KRT71: variants seen among roughly 807,000 people sequenced by gnomAD.
KRT71 encodes the protein keratin 71.
KRT71 carries 42 observed loss-of-function variants against 46.2 expected under a neutral mutation model. The ratio of observed to expected loss-of-function variants is 0.91; its 90% CI spans 0.71 to 1.18. The LOEUF (loss-of-function observed/expected upper bound fraction) is 1.18, where lower values mean the gene tolerates loss of function less well. KRT71 is among the 50% of genes most tolerant of loss of function. The pLI is 0.00. For missense variants in KRT71, 708 were observed against 677.9 expected (o/e 1.04, Z -0.49); for synonymous variants, 292 against 277.8 (o/e 1.05, Z -0.51).
Position 52,553,009 on chromosome 12 carries a change from C to G in KRT71, c.69G>C (p.Val23=), listed in dbSNP as rs776611265. The G allele has an allele frequency of 9.9e-6, 16 of 1,612,470 alleles. No individual in the cohort carries two copies. The highest frequency in any genetic ancestry group is 1.4e-5 in the Non-Finnish European group (16 of 1,179,112). Reference sequence around the variant, plus strand: ...AGGAGGATGAGCTGCCCCCTGAGAGCACAGCTGAGCAGCCACTGAAGCCCC... The same window carrying G: ...AGGAGGATGAGCTGCCCCCTGAGAGGACAGCTGAGCAGCCACTGAAGCCCC... ...AKGGFSGCSA[V]LSGGSSSSFR... The change falls in exon 1 of 9, where the codon GTG becomes GTC. Residue 23 remains valine (V), a synonymous_variant. Coordinates refer to ENST00000267119, the MANE Select transcript of KRT71 (RefSeq NM_033448.3).
At chr12:52,548,442 C>T in intron 4 of KRT71, 126 bp from the exon 5 acceptor site, 1 of 1,154,240 alleles carries the variant, frequency 8.7e-7, no homozygotes, top group Non-Finnish European at 1.2e-6. Flanking sequence ...TGCTGCCATC[C>T]AGGGCTGTGT....
intron 1 of KRT71, 142 bp from the exon 2 acceptor site, chr12:52,550,385 G>A: frequency 1.9e-6 from 2 of 1,077,482 alleles, no homozygotes; most frequent in Non-Finnish European, 2.6e-6. Flanking sequence ...CCTCTGCTAT[G>A]GAGAGAAAAC....
chr12:52,552,686 C>A lies in KRT71; in HGVS notation c.392G>T (p.Arg131Leu). Residue 131 changes from arginine to leucine, a missense_variant, in exon 1 of 9, where the codon CGA (arginine) becomes CTA (leucine). Coordinates refer to ENST00000267119, the MANE Select transcript of KRT71 (RefSeq NM_033448.3). ...GTTGTTCAGAGCCTTGATCTGCTCT[C>A]GCTCCTGGGCACGCACTTTCTGGAT... is the stretch of plus-strand genomic sequence containing the variant. ...PEIQKVRAQE[R>L]EQIKALNNKF... 4 of 1,613,776 alleles carry A rather than the reference C, an allele frequency of 2.5e-6. No homozygotes were observed. Among genetic ancestry groups the A allele is most frequent in the Non-Finnish European group, 3.4e-6 (4 of 1,179,802 alleles).
intron 1 of KRT71, among the ~76,000 whole-genome samples, chr12:52,551,612 T>C (rs898733117): frequency 1.3e-5 from 2 of 152,174 alleles, no homozygotes; most frequent in African/African-American, 4.8e-5. Flanking sequence ...GTCTCACCCA[T>C]AGACTTTGTC....
At chr12:52,551,544 C>T (rs935252536) in intron 1 of KRT71, among the ~76,000 whole-genome samples, 3 of 152,314 alleles carry the variant, frequency 2.0e-5, no homozygotes, top group African/African-American at 4.8e-5. Context: ...AGCAGGGACT[C>T]CTCCAGGCAG....
At chr12:52,550,409 A>C (rs1280846988) in intron 1 of KRT71, among the ~76,000 whole-genome samples, 166 bp from the exon 2 acceptor site, 1 of 152,256 alleles carries the variant, frequency 6.6e-6, no homozygotes, top group African/African-American at 2.4e-5. Context: ...GACACAGAGC[A>C]ACTTCGGCTG....
At chr12:52,547,186 T>A (rs1939071740) in intron 6 of KRT71, among the ~76,000 whole-genome samples, 1 of 152,116 alleles carries the variant, frequency 6.6e-6, no homozygotes, top group African/African-American at 2.4e-5. Flanking sequence ...AACCCCCTTA[T>A]CCTCTCTGAG....
Position 52,549,334 on chromosome 12 carries a change from T to G in KRT71, c.676A>C (p.Lys226Gln), listed in dbSNP as rs1939119975. The G allele has an allele frequency of 6.2e-7, 1 of 1,613,782 alleles. No individual in the cohort carries two copies. The highest frequency in any genetic ancestry group is 1.3e-5 in the African/African-American group (1 of 74,928). Reference sequence around the variant, plus strand: ...AACTCGTTCTCTGCTGCTGTCCGCTTGTTGATTTCCTCCTCATACCTGTGG... The same window carrying G: ...AACTCGTTCTCTGCTGCTGTCCGCTGGTTGATTTCCTCCTCATACCTGTGG... ...YKKRYEEEIN[K>Q]RTAAENEFVL... The change falls in exon 3 of 9, where the codon AAG becomes CAG. Residue 226 changes from lysine to glutamine, a missense_variant. Coordinates refer to ENST00000267119, the MANE Select transcript of KRT71 (RefSeq NM_033448.3).
At position 52,544,587 on chromosome 12, in the gene KRT71, T is replaced by C; in HGVS notation, c.1517A>G (p.Asp506Gly). Reference sequence around the variant, plus strand: ...CAGGCTGGAACCCTTCCCTAGGGTGTCTTTGTAATCGTTGGCACTGCCCCG... The same window carrying C: ...CAGGCTGGAACCCTTCCCTAGGGTGCCTTTGTAATCGTTGGCACTGCCCCG... ...RSRGSANDYK[D>G]TLGKGSSLSA... Residue 506 changes from aspartate to glycine, a missense_variant, in exon 9 of 9, where the codon GAC (aspartate) becomes GGC (glycine). Coordinates refer to ENST00000267119, the MANE Select transcript of KRT71 (RefSeq NM_033448.3). The C allele has an allele frequency of 6.2e-7, 1 of 1,614,078 alleles. No homozygotes were observed. The highest frequency in any genetic ancestry group is 8.5e-7 in the Non-Finnish European group (1 of 1,179,994).
intron 1 of KRT71, 116 bp from the exon 2 acceptor site, chr12:52,550,359 G>A: frequency 7.8e-7 from 1 of 1,279,974 alleles, no homozygotes; most frequent in African/African-American, 1.5e-5. Context: ...GCTGAAAGAG[G>A]TGGGCAAATC....
Position 52,548,783 on chromosome 12 carries a change from G to A in KRT71, c.731C>T (p.Ala244Val). Residue 244 changes from alanine to valine, a missense_variant, in exon 4 of 9, where the codon GCT (alanine) becomes GTT (valine). Ala to Val is a moderately conservative substitution (Grantham distance 64). Coordinates refer to ENST00000267119, the MANE Select transcript of KRT71 (RefSeq NM_033448.3). The part of the protein sequence containing the change: ...FVLLKKDVDA[A>V]YANKVELQAK... ...CTGCAGTTCCACCTTATTGGCGTAA[G>A]CAGCATCCACATCCTGAAAGATGCC... 6.2e-7 allele frequency: 1 copy of A among 1,614,168 alleles called. No individual in the cohort carries two copies. Among genetic ancestry groups the A allele is most frequent in the Non-Finnish European group, 8.5e-7 (1 of 1,180,016 alleles).
chr12:52,545,348 A>G (rs57480354), intron 8 of KRT71, among the ~76,000 whole-genome samples: 1,580 of 152,278 alleles, frequency 0.01, 28 homozygotes, highest in African/African-American at 0.036. Flanking sequence ...GCCATCCCCT[A>G]GGAACAGAAA....
chr12:52,548,383 A>G (rs1939096758), intron 4 of KRT71, 67 bp from the exon 5 acceptor site: 1 of 1,518,314 alleles, frequency 6.6e-7, no homozygotes, highest in Non-Finnish European at 9.0e-7. Flanking sequence ...ACCCCCAAAC[A>G]AGATGAGCAA....
intron 1 of KRT71, 48 bp downstream of exon 1, chr12:52,552,589 G>C: frequency 6.5e-7 from 1 of 1,537,128 alleles, no homozygotes; most frequent in Non-Finnish European, 8.8e-7. Context: ...GTTCCAAGAA[G>C]AGAAGAGGAG....
Position 52,552,642 on chromosome 12 carries a change from C to T in KRT71, c.436G>A (p.Asp146Asn), listed in dbSNP as rs146701542. ...ALNNKFASFI[D>N]KVRFLEQQNQ... ...CCAGGCCCTAGAAGACCCACCTTGT[C>T]GATGAAGGAGGCGAACTTGTTGTTC... is the stretch of plus-strand genomic sequence containing the variant. The change falls in exon 1 of 9, where the codon GAC (aspartate) becomes AAC (asparagine). Residue 146 changes from aspartate to asparagine, a missense_variant. Coordinates refer to ENST00000267119, the MANE Select transcript of KRT71 (RefSeq NM_033448.3). The T allele has an allele frequency of 5.2e-5, 83 of 1,609,380 alleles. No individual in the cohort carries two copies. Among genetic ancestry groups the T allele is most frequent in the Non-Finnish European group, 4.9e-5 (58 of 1,177,700 alleles).
rs1442100322 is a variant in KRT71, at chr12:52,553,037, T to A, written c.41A>T (p.Lys14Met). 5 of 1,598,978 alleles carry A rather than the reference T, an allele frequency of 3.1e-6. No individual in the cohort carries two copies. The highest frequency in any genetic ancestry group is 4.3e-6 in the Non-Finnish European group (5 of 1,171,038). ...AGCTGAGCAGCCACTGAAGCCCCCC[T>A]TGGCGGCAGCTCCCGACTTGCAGGT... ...QFTCKSGAAA[K>M]GGFSGCSAVL... Residue 14 changes from lysine (K) to methionine (M), a missense_variant, in exon 1 of 9, where the codon AAG becomes ATG. By Grantham distance (95) the Lys-to-Met change is moderately conservative. Coordinates refer to ENST00000267119, the MANE Select transcript of KRT71 (RefSeq NM_033448.3).
chr12:52,547,141 G>A (rs919850688), intron 6 of KRT71, among the ~76,000 whole-genome samples: 8 of 152,302 alleles, frequency 5.3e-5, no homozygotes, highest in African/African-American at 7.2e-5. Context: ...GGAGACCTTG[G>A]TTCAGATCAC....
intron 1 of KRT71, among the ~76,000 whole-genome samples, chr12:52,552,244 G>C (rs1939184212): frequency 6.6e-6 from 1 of 152,244 alleles, no homozygotes; most frequent in African/African-American, 2.4e-5. Context: ...TGATCCGCTG[G>C]GCAAGTGACC....
At chr12:52,546,558 T>A (rs565079596) in intron 6 of KRT71, 52 bp from the exon 7 acceptor site, 2 of 1,562,590 alleles carry the variant, frequency 1.3e-6, no homozygotes, top group South Asian at 2.3e-5. Context: ...ACTGCAACCA[T>A]CCACATCCAA....
Sources: gnomAD v4.1 joint callset for allele counts (sites outside exome capture counted in the v4.1 genomes callset) on GRCh38, gnomAD v4.1.1 for gene constraint, MANE v1.5 for transcripts, NCBI Gene and HGNC (gene_info 2026-07-23, HGNC 2026-07-21) for gene names.